The following LRMDA variants were observed in gnomAD, a reference collection of about 807,000 sequenced individuals.
LRMDA encodes leucine-rich melanocyte differentiation-associated protein.
Under a neutral mutation model 29.8 loss-of-function variants are expected in LRMDA, and 18 were observed. The observed-to-expected ratio is 0.60, with a 90% CI of 0.42 to 0.90. The LOEUF is 0.90. Among genes scored for constraint, LRMDA ranks in the 40% least tolerant of loss-of-function variants. The probability of loss-of-function intolerance (pLI) is 0.00; values close to 1 mark genes in which losing one functional copy is unlikely to be tolerated. For synonymous variants in LRMDA, 125 were observed against 109.4 expected (o/e 1.14, Z -0.89); for missense variants, 273 against 273.9 (o/e 1.00, Z 0.02).
chr10:75,504,571 T>C (rs1845150682), intron 2 of LRMDA, among the ~76,000 whole-genome samples: 2 of 152,098 alleles, frequency 1.3e-5, no homozygotes, highest in Admixed American at 1.3e-4. Flanking sequence ...ATAACGTCTG[T>C]AGTAATAGGG....
chr10:76,403,912 G>A (rs1187275670), intron 6 of LRMDA, among the ~76,000 whole-genome samples: 1 of 152,044 alleles, frequency 6.6e-6, no homozygotes, highest in Non-Finnish European at 1.5e-5. Context: ...TCTTCCCATT[G>A]TCTTAGCAAA....
chr10:76,254,418 A>ATGCTATGCTATGCTATGCTATG (rs1564701610), intron 5 of LRMDA, among the ~76,000 whole-genome samples: 1 of 64,978 alleles, frequency 1.5e-5, no homozygotes, highest in Non-Finnish European at 3.8e-5. Context: ...GCTATGCTAT[A>ATGCTATGCTATGCTATGCTATG]CTATACTATA....
chr10:75,804,004 G>T (rs1198044498), intron 2 of LRMDA, among the ~76,000 whole-genome samples: 2 of 152,174 alleles, frequency 1.3e-5, no homozygotes, highest in African/African-American at 2.4e-5. Context: ...ATGTCCCAGC[G>T]CTGTTGTACA....
At chr10:76,425,899 A>G (rs996951501) in intron 6 of LRMDA, among the ~76,000 whole-genome samples, 2 of 152,112 alleles carry the variant, frequency 1.3e-5, no homozygotes, top group Non-Finnish European at 2.9e-5. Context: ...GATGGTTTCC[A>G]GCTTCATCCA....
At chr10:76,422,377 T>G (rs1842080069) in intron 6 of LRMDA, among the ~76,000 whole-genome samples, 1 of 152,124 alleles carries the variant, frequency 6.6e-6, no homozygotes. Context: ...ATTTTTAGTT[T>G]TTCTCAGTGG....
intron 2 of LRMDA, among the ~76,000 whole-genome samples, chr10:75,802,608 A>C (rs1032394671): frequency 1.3e-5 from 2 of 152,006 alleles, no homozygotes; most frequent in African/African-American, 2.4e-5. Context: ...CAAAAAGGGT[A>C]GTGTTGTTTT....
intron 6 of LRMDA, among the ~76,000 whole-genome samples, chr10:76,353,362 G>GTGTC (rs34056069): frequency 3.3e-5 from 5 of 151,364 alleles, no homozygotes; most frequent in Non-Finnish European, 5.9e-5. Context: ...GTGTGTGTGT[G>GTGTC]AGATAGATTG....
At chr10:75,868,686 A>G (rs888216853) in intron 2 of LRMDA, among the ~76,000 whole-genome samples, 2 of 152,266 alleles carry the variant, frequency 1.3e-5, no homozygotes, top group African/African-American at 2.4e-5. Flanking sequence ...CCGCTTGTTT[A>G]GCGATTTCTC....
intron 2 of LRMDA, among the ~76,000 whole-genome samples, chr10:75,656,393 G>T (rs534461640): frequency 1.3e-5 from 2 of 152,330 alleles, no homozygotes; most frequent in African/African-American, 4.8e-5. Flanking sequence ...CACTTCCTAT[G>T]ATTCCATTCT....
intron 2 of LRMDA, among the ~76,000 whole-genome samples, chr10:75,634,952 A>T (rs1217651463): frequency 6.6e-6 from 1 of 152,196 alleles, no homozygotes; most frequent in East Asian, 1.9e-4. Flanking sequence ...GGATGAAAAC[A>T]ACCATATTCC....
At chr10:76,342,463 A>T (rs1380491758) in intron 6 of LRMDA, among the ~76,000 whole-genome samples, 1 of 152,080 alleles carries the variant, frequency 6.6e-6, no homozygotes, top group Non-Finnish European at 1.5e-5. Context: ...TATATTAAGC[A>T]TCTGACTCAA....
intron 3 of LRMDA, among the ~76,000 whole-genome samples, chr10:76,040,412 G>A (rs564996930): frequency 2.6e-5 from 4 of 152,194 alleles, no homozygotes; most frequent in African/African-American, 7.2e-5. Flanking sequence ...TTCAGCCCTC[G>A]TGTTGATATC....
intron 2 of LRMDA, among the ~76,000 whole-genome samples, chr10:75,812,699 A>AG (rs1843986054): frequency 6.6e-6 from 1 of 152,240 alleles, no homozygotes; most frequent in South Asian, 2.1e-4. Context: ...TCCATTATTC[A>AG]CATACATTTT....
chr10:76,408,063 A>G (rs1444223869), intron 6 of LRMDA, among the ~76,000 whole-genome samples: 1 of 152,216 alleles, frequency 6.6e-6, no homozygotes, highest in Admixed American at 6.5e-5. Flanking sequence ...CTCAACTAAC[A>G]CTTACTGCTT....
chr10:76,476,498 A>C (rs1349171147), intron 6 of LRMDA, among the ~76,000 whole-genome samples: 3 of 152,070 alleles, frequency 2.0e-5, no homozygotes, highest in Non-Finnish European at 4.4e-5. Flanking sequence ...CCATTCCTTC[A>C]GAAACTATTC....
intron 5 of LRMDA, among the ~76,000 whole-genome samples, chr10:76,137,644 T>C (rs1015481581): frequency 6.6e-6 from 1 of 152,034 alleles, no homozygotes; most frequent in Non-Finnish European, 1.5e-5. Context: ...CTTTGTGAAA[T>C]GGAGTTTATG....
chr10:76,417,460 G>A (rs567172467), intron 6 of LRMDA, among the ~76,000 whole-genome samples: 1 of 151,374 alleles, frequency 6.6e-6, no homozygotes, highest in South Asian at 2.1e-4. Flanking sequence ...ATCATGAGCT[G>A]TCACCACCCA....
intron 2 of LRMDA, among the ~76,000 whole-genome samples, chr10:75,832,422 A>T (rs921951509): frequency 6.6e-6 from 1 of 152,166 alleles, no homozygotes; most frequent in Non-Finnish European, 1.5e-5. Context: ...CCTGGATTGC[A>T]TTGTCCATAT....
At chr10:76,178,156 CG>C (rs1004426669) in intron 5 of LRMDA, among the ~76,000 whole-genome samples, 2 of 152,168 alleles carry the variant, frequency 1.3e-5, no homozygotes, top group Non-Finnish European at 2.9e-5. Context: ...GTGGCCCTTG[CG>C]ATACCCTGTG....
Sources: gnomAD v4.1 joint callset for allele counts (sites outside exome capture counted in the v4.1 genomes callset) on GRCh38, gnomAD v4.1.1 for gene constraint, MANE v1.5 for transcripts, NCBI Gene and HGNC (gene_info 2026-07-23, HGNC 2026-07-21) for gene names.